INPP5F: variants seen among roughly 807,000 people sequenced by gnomAD.
INPP5F encodes the protein inositol polyphosphate-5-phosphatase F.
In INPP5F, 97 loss-of-function variants were observed where a neutral mutation model predicts 137.2. That is an observed-to-expected ratio of 0.71 (90% CI 0.60 to 0.84). INPP5F has a LOEUF of 0.84. Among genes scored for constraint, INPP5F ranks in the 40% least tolerant of loss-of-function variants. The pLI, the probability that INPP5F is intolerant of heterozygous loss-of-function variation, is 0.00. For missense variants in INPP5F, 1,271 were observed against 1,371.9 expected (o/e 0.93, Z 1.16); for synonymous variants, 504 against 476.9 (o/e 1.06, Z -0.74).
intron 16 of INPP5F, among the ~76,000 whole-genome samples, chr10:119,821,178 A>G (rs1162134773): frequency 6.6e-6 from 1 of 152,076 alleles, no homozygotes; most frequent in Non-Finnish European, 1.5e-5. Context: ...GTTATTTCCT[A>G]TATATTTCCC....
At chr10:119,807,535 T>TA (rs904250607) in intron 12 of INPP5F, among the ~76,000 whole-genome samples, 1 of 152,172 alleles carries the variant, frequency 6.6e-6, no homozygotes, top group Non-Finnish European at 1.5e-5. Flanking sequence ...AAAAACTGTG[T>TA]AAAAAAGCTC....
chr10:119,732,635 GGA>G lies in INPP5F; in HGVS notation c.97+6277_97+6278del, dbSNP rs1054494057. On this transcript the variant is annotated intron_variant, in intron 1 of 19. Transcript: ENST00000650623. ...TCTGCCTCAGCCTCCTGAGTAGCTG[GGA>G]CTACAGGCTACTGCCACCATGCCTG... Among the ~76,000 whole-genome samples, 92 of 151,558 alleles carry G rather than the reference GGA, an allele frequency of 6.1e-4. 2 individuals are homozygous for G. Among genetic ancestry groups the G allele is most frequent in the Non-Finnish European group, 1.3e-3 (87 of 67,904 alleles).
rs150212682 is a variant in INPP5F, at chr10:119,803,828, GCTTT to G, written c.1117-340_1117-337del. Among the ~76,000 whole-genome samples, 1,113 of 152,178 alleles carry G rather than the reference GCTTT, an allele frequency of 7.3e-3. 8 individuals are homozygous for G. The highest frequency in any genetic ancestry group is 0.013 in the Non-Finnish European group (880 of 67,984). On this transcript the variant is annotated intron_variant, in intron 9 of 19. Coordinates refer to ENST00000650623, the MANE Select transcript of INPP5F (RefSeq NM_014937.4). ...GCATTTTATCATGTTCAGTATTTAGGCTTTCTTTATTTCTTTTTAAATCTAGATA... is the reference window on the plus strand; with the variant it reads ...GCATTTTATCATGTTCAGTATTTAGGCTTTATTTCTTTTTAAATCTAGATA...
At chr10:119,746,527 C>A (rs1300150869) in intron 1 of INPP5F, among the ~76,000 whole-genome samples, 1 of 152,150 alleles carries the variant, frequency 6.6e-6, no homozygotes, top group Non-Finnish European at 1.5e-5. Context: ...ATCAGGGTAT[C>A]TTTATTCCAC....
intron 2 of INPP5F, among the ~76,000 whole-genome samples, chr10:119,772,039 G>A (rs1374910057): frequency 6.7e-6 from 1 of 149,536 alleles, no homozygotes; most frequent in African/African-American, 2.5e-5. Context: ...CTGGGACTAC[G>A]GGTGCCCGCC....
intron 10 of INPP5F, 73 bp from the exon 11 acceptor site, chr10:119,805,311 T>A: frequency 1.8e-6 from 2 of 1,134,780 alleles, no homozygotes; most frequent in Non-Finnish European, 2.6e-6. Context: ...CTACATTAAA[T>A]AGCATATCTT....
chr10:119,827,505 TC>T lies in INPP5F; in HGVS notation c.3126del (p.Ala1043LeufsTer13). On this transcript the variant is annotated frameshift_variant, in exon 20 of 20. Transcript: ENST00000650623. LOFTEE classifies it high-confidence loss of function. ...AGTTGCATCTCAAAAAACCCCCACC[TC>T]CGCTTCCAGCATGCTTGAACTTGAG... ...HSVASQKTPTSASSMLELETG... is the reference protein window; with the variant it reads ...HSVASQKTPTXASSMLELETG... 1 of 1,614,148 alleles carries T rather than the reference TC, an allele frequency of 6.2e-7. No individual in the cohort carries two copies. The highest frequency in any genetic ancestry group is 8.5e-7 in the Non-Finnish European group (1 of 1,180,010).
intron 15 of INPP5F, among the ~76,000 whole-genome samples, chr10:119,817,421 G>A (rs1233619955): frequency 2.6e-5 from 4 of 152,154 alleles, no homozygotes; most frequent in African/African-American, 7.2e-5. Flanking sequence ...CAGTGGCCAC[G>A]CCGTTTTACG....
At chr10:119,806,282 ATATAC>A (rs1850782061) in intron 11 of INPP5F, 73 bp from the exon 12 acceptor site, 2 of 1,044,438 alleles carry the variant, frequency 1.9e-6, no homozygotes, top group Non-Finnish European at 2.7e-6. Flanking sequence ...TGTTTTATTG[ATATAC>A]TTTAAAGAAT....
chr10:119,726,062 C>T lies in INPP5F; in HGVS notation c.-201C>T, dbSNP rs904105828. ...GAGGAGCGGGGGGGAGAGGCCTCTACGGCCGCCGCTGCCGCCGCCGCTGCC... is the reference window on the plus strand; with the variant it reads ...GAGGAGCGGGGGGGAGAGGCCTCTATGGCCGCCGCTGCCGCCGCCGCTGCC... On this transcript the variant is annotated 5_prime_UTR_variant, in exon 1 of 20. In the 5' UTR this introduces an upstream ATG that the reference lacks. Coordinates refer to ENST00000650623, the MANE Select transcript of INPP5F (RefSeq NM_014937.4). 3 of 365,360 alleles carry T rather than the reference C, an allele frequency of 8.2e-6. No individual in the cohort carries two copies. The highest frequency in any genetic ancestry group is 1.5e-5 in the Non-Finnish European group (3 of 205,654). The allele number at this position is 365,360 out of a possible 1,614,324, so 22.6% of individuals were successfully genotyped here. A position where few individuals can be genotyped will look rare whatever the true frequency, so the allele number is the denominator to read the frequency against.
chr10:119,734,609 C>T (rs1848170911), intron 1 of INPP5F, among the ~76,000 whole-genome samples: 1 of 152,176 alleles, frequency 6.6e-6, no homozygotes, highest in South Asian at 2.1e-4. Context: ...TCTCAGATTA[C>T]AGGCATGAGC....
intron 1 of INPP5F, among the ~76,000 whole-genome samples, chr10:119,728,045 G>A (rs754630016): frequency 6.6e-6 from 1 of 152,182 alleles, no homozygotes; most frequent in South Asian, 2.1e-4. Flanking sequence ...GCTAACCTGC[G>A]CCTAGATTCT....
At chr10:119,810,039 A>C in intron 13 of INPP5F, 61 bp from the exon 14 acceptor site, 1 of 939,572 alleles carries the variant, frequency 1.1e-6, no homozygotes, top group Non-Finnish European at 1.7e-6. Flanking sequence ...AAAGCCCACA[A>C]TTTATTTTGG....
chr10:119,737,051 ACCCCTG>A (rs1290388889), intron 1 of INPP5F, among the ~76,000 whole-genome samples: 1 of 151,846 alleles, frequency 6.6e-6, no homozygotes, highest in Non-Finnish European at 1.5e-5. Context: ...CTGGTCTCAA[ACCCCTG>A]GGCTCAAGTG....
chr10:119,783,072 T>G (rs1339338934), intron 3 of INPP5F, among the ~76,000 whole-genome samples: 1 of 152,216 alleles, frequency 6.6e-6, no homozygotes, highest in African/African-American at 2.4e-5. Flanking sequence ...AATTCTCCTT[T>G]TATTGGTACT....
chr10:119,785,287 T>TTTTTTTTTTG (rs1491450324), intron 3 of INPP5F, among the ~76,000 whole-genome samples: 1 of 74,828 alleles, frequency 1.3e-5, no homozygotes, highest in East Asian at 3.0e-4. Flanking sequence ...TGCCAGACTG[T>TTTTTTTTTTG]TTTTTTTTTT....
intron 15 of INPP5F, among the ~76,000 whole-genome samples, chr10:119,813,937 T>A (rs146869302): frequency 1.2e-3 from 188 of 152,328 alleles, no homozygotes; most frequent in African/African-American, 4.4e-3. Context: ...CTTTTCTTCA[T>A]TAACATGATG....
Position 119,751,078 on chromosome 10 carries a change from A to C in INPP5F, c.100A>C (p.Thr34Pro). The C allele has an allele frequency of 6.3e-7, 1 of 1,594,010 alleles. No individual in the cohort carries two copies. The highest frequency in any genetic ancestry group is 8.6e-7 in the Non-Finnish European group (1 of 1,161,708). ...CACTGCTTCCTATTTTATTTTAGCT[A>C]CTGATCTACTTCTTGCCTGGAATCC... is the stretch of plus-strand genomic sequence containing the variant. ...RDGGLQLRPA[T>P]DLLLAWNPIC... Residue 34 changes from threonine (T) to proline (P), a missense_variant and splice_region_variant, in exon 2 of 20, where the codon ACT becomes CCT. By Grantham distance (38) the Thr-to-Pro change is conservative (BLOSUM62 -1). Coordinates refer to ENST00000650623, the MANE Select transcript of INPP5F (RefSeq NM_014937.4).
At chr10:119,795,320 A>G (rs1051280207) in intron 6 of INPP5F, among the ~76,000 whole-genome samples, 2 of 150,186 alleles carry the variant, frequency 1.3e-5, no homozygotes, top group Admixed American at 6.6e-5. Context: ...CACTTCCCAG[A>G]CGGGGTGGCT....
Sources: gnomAD v4.1 joint callset for allele counts (sites outside exome capture counted in the v4.1 genomes callset) on GRCh38, gnomAD v4.1.1 for gene constraint, MANE v1.5 for transcripts, NCBI Gene and HGNC (gene_info 2026-07-23, HGNC 2026-07-21) for gene names.